Variants in NAV2 observed in about 807,000 individuals in gnomAD.
NAV2 encodes the protein helicase, APC down-regulated 1.
A neutral mutation model predicts 223.2 loss-of-function variants in NAV2; 54 were observed. That is an observed-to-expected ratio of 0.24 (90% CI 0.19 to 0.30). NAV2 has a LOEUF of 0.30. NAV2 is among the 10% of genes least tolerant of loss of function. The pLI is 1.00. For missense variants in NAV2, 2,806 were observed against 3,147.5 expected, an observed-to-expected ratio of 0.89 and a Z score of 2.60; for synonymous variants, 1,279 against 1,239.3, an observed-to-expected ratio of 1.03 and a Z score of -0.67.
At chr11:20,055,109 G>A (rs750517201) in intron 18 of NAV2, among the ~76,000 whole-genome samples, 2 of 152,176 alleles carry the variant, frequency 1.3e-5, no homozygotes, top group Non-Finnish European at 2.9e-5. Flanking sequence ...TCTGAATATA[G>A]TGAATAACAA....
chr11:20,051,113 T>G lies in NAV2; in HGVS notation c.4437-176T>G, dbSNP rs527709405. ...TGTCAGCTCAGGCTGAGGATTGGGT[T>G]TCTTTTGTTTTCCACGGATGTGGAT... On this transcript the variant is annotated intron_variant, in intron 16 of 37. Transcript: ENST00000349880. Among the ~76,000 whole-genome samples the G allele has an allele frequency of 8.0e-4, 122 of 152,222 alleles. 1 individual carries two copies. The South Asian group carries it at 0.024, about 30-fold the overall frequency.
At chr11:19,714,134 C>T (rs970964473) in intron 1 of NAV2, 172 bp downstream of exon 1, 2 of 989,744 alleles carry the variant, frequency 2.0e-6, no homozygotes, top group Admixed American at 2.1e-5. Context: ...GTGGGCCGGC[C>T]GGTGGGTGTG....
intron 1 of NAV2, chr11:19,714,634 C>T: frequency 2.7e-6 from 1 of 369,946 alleles, no homozygotes; most frequent in Non-Finnish European, 5.4e-6. Flanking sequence ...GTGGCTGCCT[C>T]AGAATGGCGG....
At chr11:19,523,487 A>G (rs2043739163) in intron 1 of NAV2, among the ~76,000 whole-genome samples, 1 of 152,096 alleles carries the variant, frequency 6.6e-6, no homozygotes, top group South Asian at 2.1e-4. Flanking sequence ...CATACACAAA[A>G]CATCTGGGTG....
intron 1 of NAV2, among the ~76,000 whole-genome samples, chr11:19,676,688 G>A (rs2048720960): frequency 6.6e-6 from 1 of 152,154 alleles, no homozygotes. Context: ...ATTGCCCAGT[G>A]TGCTGGTGGT....
chr11:19,757,115 C>T (rs1267878875), intron 1 of NAV2, among the ~76,000 whole-genome samples: 1 of 152,164 alleles, frequency 6.6e-6, no homozygotes, highest in African/African-American at 2.4e-5. Context: ...CTTCAGCGCC[C>T]TGCTCTGACC....
rs546988988 is a variant in NAV2, at chr11:19,933,539, C to T, written c.1295C>T (p.Thr432Ile). 2.5e-6 allele frequency: 4 copies of T among 1,609,286 alleles called. No homozygotes were observed. The South Asian group carries it at 3.3e-5, about 13-fold the overall frequency. ...SRDTSCERLE[T>I]LPSFEESEEL... ...GACACAAGCTGTGAGCGGCTGGAGA[C>T]TCTGCCCAGCTTCGAAGAGAGCGAG... is the stretch of plus-strand genomic sequence containing the variant. The change falls in exon 7 of 38, where the codon ACT becomes ATT. Residue 432 changes from threonine to isoleucine, a missense_variant. Physicochemically the swap from Thr to Ile is moderately conservative, Grantham distance 89. Around this residue, in one of 4 missense-constraint regions of NAV2, gnomAD observed 1,167 missense variants for 1,180.5 expected, o/e 0.99. Transcript: ENST00000349880. This position sits in a 1 kb window ranked among gnomAD's most constrained non-coding sequence, Gnocchi z 4.3.
chr11:20,027,595 C>A, intron 11 of NAV2: 2 of 355,298 alleles, frequency 5.6e-6, no homozygotes, highest in Non-Finnish European at 7.9e-6. Flanking sequence ...GGAAGCAGAC[C>A]CAGCCTTTGG....
At position 19,933,433 on chromosome 11, in the gene NAV2, A is replaced by T; in HGVS notation, c.1189A>T (p.Asn397Tyr). 6.3e-7 allele frequency: 1 copy of T among 1,592,060 alleles called. No homozygotes were observed. The highest frequency in any genetic ancestry group is 8.5e-7 in the Non-Finnish European group (1 of 1,169,718). The change falls in exon 7 of 38, where the codon AAT (asparagine) becomes TAT (tyrosine). Residue 397 changes from asparagine (N) to tyrosine (Y), a missense_variant. Asn to Tyr is a moderately radical substitution (Grantham distance 143). Around this residue, in one of 4 missense-constraint regions of NAV2, gnomAD observed 1,167 missense variants for 1,180.5 expected, o/e 0.99. Coordinates refer to ENST00000349880, the MANE Select transcript of NAV2 (RefSeq NM_145117.5). The surrounding 1 kb of genome is among the most constrained non-coding windows in gnomAD (Gnocchi z 4.3). ...TGAAGCCATGAAGCCGGCCCCCAACAATCAGAAGTCCATGCTGGAAAAGCT... is the reference window on the plus strand; with the variant it reads ...TGAAGCCATGAAGCCGGCCCCCAACTATCAGAAGTCCATGCTGGAAAAGCT... ...TPEAMKPAPN[N>Y]QKSMLEKLKL... is the part of the protein sequence containing the mutation.
At chr11:19,356,532 C>A (rs905309801) in intron 1 of NAV2, among the ~76,000 whole-genome samples, 6 of 152,128 alleles carry the variant, frequency 3.9e-5, no homozygotes, top group Admixed American at 3.3e-4. Flanking sequence ...ATTAGGTAAG[C>A]ATCCTTCTGG....
chr11:20,003,507 C>T (rs980509920), intron 11 of NAV2, among the ~76,000 whole-genome samples: 19 of 152,274 alleles, frequency 1.2e-4, no homozygotes, highest in African/African-American at 4.1e-4. Flanking sequence ...TTATACTGAG[C>T]GACTCCCAGG....
intron 1 of NAV2, among the ~76,000 whole-genome samples, chr11:19,402,568 G>C (rs1226310270): frequency 6.6e-6 from 1 of 151,898 alleles, no homozygotes; most frequent in Non-Finnish European, 1.5e-5. Flanking sequence ...TCATTTATTT[G>C]TTTGCTTATT....
At chr11:19,697,577 G>C (rs2049383783) in intron 1 of NAV2, among the ~76,000 whole-genome samples, 2 of 151,992 alleles carry the variant, frequency 1.3e-5, no homozygotes, top group African/African-American at 4.8e-5. Context: ...GGAGATGGCT[G>C]GTGCAGGTGG....
chr11:19,876,642 A>G (rs2585755), intron 4 of NAV2, among the ~76,000 whole-genome samples: 34,160 of 152,076 alleles, frequency 0.22, 4,248 homozygotes, highest in South Asian at 0.42. Flanking sequence ...ACTAAATGAC[A>G]ATGGTAGGTA....
intron 1 of NAV2, among the ~76,000 whole-genome samples, chr11:19,442,830 G>T (rs894481899): frequency 1.3e-5 from 2 of 152,218 alleles, no homozygotes; most frequent in African/African-American, 4.8e-5. Context: ...GTAGCTTCAA[G>T]AATGTGCTTG....
chr11:19,908,449 G>T (rs1056623583), intron 6 of NAV2, among the ~76,000 whole-genome samples: 4 of 152,150 alleles, frequency 2.6e-5, no homozygotes, highest in Admixed American at 1.3e-4. Flanking sequence ...TTTGCAGAGT[G>T]CTGGTCTGTA....
At chr11:19,461,747 A>C (rs1852169164) in intron 1 of NAV2, among the ~76,000 whole-genome samples, 1 of 152,258 alleles carries the variant, frequency 6.6e-6, no homozygotes, top group Non-Finnish European at 1.5e-5. Flanking sequence ...ATGGAACAAA[A>C]TGGAGTAGCG....
chr11:19,441,447 C>T (rs1158667341), intron 1 of NAV2, among the ~76,000 whole-genome samples: 9 of 135,156 alleles, frequency 6.7e-5, no homozygotes, highest in African/African-American at 1.0e-4. Context: ...CACACACACA[C>T]GCACACACAC....
At chr11:20,008,150 T>G (rs1355264343) in intron 11 of NAV2, among the ~76,000 whole-genome samples, 2 of 152,092 alleles carry the variant, frequency 1.3e-5, no homozygotes, top group East Asian at 3.9e-4. Flanking sequence ...GCAGATCACC[T>G]GAGGTCAGGA....
Sources: gnomAD v4.1 joint callset for allele counts (sites outside exome capture counted in the v4.1 genomes callset) on GRCh38, gnomAD v4.1.1 for gene constraint, gnomAD v4.1.1 regional missense constraint, Gnocchi (gnomAD v3.1) non-coding constraint, MANE v1.5 for transcripts, NCBI Gene and HGNC (gene_info 2026-07-23, HGNC 2026-07-21) for gene names.